Variants in GNA14 observed in about 807,000 individuals in gnomAD.
GNA14 encodes the protein guanine nucleotide-binding protein subunit alpha-14.
A neutral mutation model predicts 42.0 loss-of-function variants in GNA14; 50 were observed. The ratio of observed to expected loss-of-function variants is 1.19; its 90% CI spans 0.95 to 1.51. GNA14 has a LOEUF of 1.51. Ranked by LOEUF, GNA14 falls within the 40% of genes most tolerant of loss-of-function variation. The probability of loss-of-function intolerance (pLI) is 0.00; values close to 1 mark genes in which losing one functional copy is unlikely to be tolerated. For missense variants in GNA14, 473 were observed against 446.2 expected (o/e 1.06, Z -0.54); for synonymous variants, 173 against 163.1 (o/e 1.06, Z -0.46).
At position 77,563,841 on chromosome 9, in the gene GNA14, G is replaced by A. The variant is rs141216484; in HGVS notation, c.125-34588C>T. Reference sequence around the variant, plus strand: ...TCCCTGTTAGACAACTTCCTATGGAGCGCAATTTGGGGTCTTGAAGCATTA... The same window carrying A: ...TCCCTGTTAGACAACTTCCTATGGAACGCAATTTGGGGTCTTGAAGCATTA... On this transcript the variant is annotated intron_variant, in intron 1 of 6. Coordinates refer to ENST00000341700, the MANE Select transcript of GNA14 (RefSeq NM_004297.4). 4.8e-3 allele frequency among the ~76,000 whole-genome samples: 738 copies of A among 152,252 alleles called. 3 individuals are homozygous for A. Among genetic ancestry groups the A allele is most frequent in the African/African-American group, 0.017 (694 of 41,534 alleles).
intron 2 of GNA14, among the ~76,000 whole-genome samples, chr9:77,470,721 T>A (rs554770402): frequency 6.6e-6 from 1 of 152,182 alleles, no homozygotes; most frequent in East Asian, 1.9e-4. Context: ...AGAAAAGAGG[T>A]TGAATTGACT....
intron 1 of GNA14, among the ~76,000 whole-genome samples, chr9:77,556,962 A>G (rs1405953312): frequency 6.6e-6 from 1 of 152,212 alleles, no homozygotes; most frequent in African/African-American, 2.4e-5. Context: ...CAAACAGGAA[A>G]CACATTTATA....
At chr9:77,433,848 C>T (rs1211299127) in intron 3 of GNA14, among the ~76,000 whole-genome samples, 2 of 152,174 alleles carry the variant, frequency 1.3e-5, no homozygotes, top group African/African-American at 2.4e-5. Flanking sequence ...CGAGCGCAGC[C>T]TCCTATCTGT....
chr9:77,551,273 T>C (rs1837782269), intron 1 of GNA14, among the ~76,000 whole-genome samples: 1 of 152,172 alleles, frequency 6.6e-6, no homozygotes, highest in Non-Finnish European at 1.5e-5. Flanking sequence ...CCTCATCCTT[T>C]TTCAAATTTT....
In GNA14 at chr9:77,454,811, G is replaced by A. The variant is rs183391587; in HGVS notation, c.310-20289C>T. The stretch of plus-strand genomic sequence containing the variant: ...TCTAATGCGAACAGTCAGGGTCAAC[G>A]AAAAAAGTTGTTTTGCTTTTAATGT... On this transcript the variant is annotated intron_variant, in intron 2 of 6. Coordinates refer to ENST00000341700, the MANE Select transcript of GNA14 (RefSeq NM_004297.4). 6.2e-3 allele frequency among the ~76,000 whole-genome samples: 937 copies of A among 152,144 alleles called. 11 individuals carry two copies. Among genetic ancestry groups the A allele is most frequent in the African/African-American group, 0.022 (899 of 41,516 alleles).
intron 2 of GNA14, among the ~76,000 whole-genome samples, chr9:77,439,892 G>A (rs555932288): frequency 7.2e-4 from 109 of 152,258 alleles, no homozygotes; most frequent in African/African-American, 2.6e-3. Flanking sequence ...GACTTGGGTG[G>A]GGCATGTGCT....
rs1032391646 is a variant in GNA14 at position 77,559,427 on chromosome 9, G to A, written c.125-30174C>T. On this transcript the variant is annotated intron_variant, in intron 1 of 6. Transcript: ENST00000341700. ...AGACAAAGGACGGGGCATCCCTTCT[G>A]GGCCAGAGGACATAGGGAAGAAGGG... is the stretch of plus-strand genomic sequence containing the variant. 4.7e-4 allele frequency among the ~76,000 whole-genome samples: 72 copies of A among 152,160 alleles called. 3 individuals carry two copies. Among genetic ancestry groups the A allele is most frequent in the Non-Finnish European group, 5.9e-5 (4 of 68,022 alleles).
chr9:77,546,430 T>C (rs1336042573), intron 1 of GNA14, among the ~76,000 whole-genome samples: 1 of 152,092 alleles, frequency 6.6e-6, no homozygotes, highest in Non-Finnish European at 1.5e-5. Context: ...GAGGTCTTCA[T>C]TATGACATCT....
At chr9:77,453,713 T>C (rs968554576) in intron 2 of GNA14, among the ~76,000 whole-genome samples, 2 of 152,226 alleles carry the variant, frequency 1.3e-5, no homozygotes, top group East Asian at 3.9e-4. Context: ...TGAGAATTTA[T>C]GGAACTGAGC....
At chr9:77,483,832 G>T (rs1294876391) in intron 2 of GNA14, among the ~76,000 whole-genome samples, 1 of 152,176 alleles carries the variant, frequency 6.6e-6, no homozygotes, top group Non-Finnish European at 1.5e-5. Flanking sequence ...ATGAAGGTAT[G>T]ACATTCTTTG....
intron 1 of GNA14, among the ~76,000 whole-genome samples, chr9:77,558,473 G>A (rs1564053364): frequency 6.6e-6 from 1 of 152,078 alleles, no homozygotes; most frequent in African/African-American, 2.4e-5. Context: ...TTCAAAGTTT[G>A]AGTAGTAGTC....
chr9:77,514,389 T>C lies in GNA14; in HGVS notation c.309+14680A>G, dbSNP rs73458086. 5.5e-3 allele frequency among the ~76,000 whole-genome samples: 836 copies of C among 152,220 alleles called. 7 individuals are homozygous for C. Among genetic ancestry groups the C allele is most frequent in the African/African-American group, 0.019 (779 of 41,530 alleles). ...GTCTTCACACAGCGTCTTAATATCA[T>C]TGACTTCACGTTTATTGAGCCCGAA... On this transcript the variant is annotated intron_variant, in intron 2 of 6. Transcript: ENST00000341700.
chr9:77,609,281 G>C (rs1272799520), intron 1 of GNA14, among the ~76,000 whole-genome samples: 2 of 152,116 alleles, frequency 1.3e-5, no homozygotes, highest in Non-Finnish European at 2.9e-5. Flanking sequence ...CTAATAACCT[G>C]TTTCTCATTT....
At chr9:77,593,334 C>CTTTTT (rs59975831) in intron 1 of GNA14, among the ~76,000 whole-genome samples, 4 of 142,934 alleles carry the variant, frequency 2.8e-5, no homozygotes, top group African/African-American at 1.1e-4. Flanking sequence ...CCTAACATTC[C>CTTTTT]TTTTTTTTTT....
chr9:77,572,093 G>A (rs772875612), intron 1 of GNA14, among the ~76,000 whole-genome samples: 1 of 152,046 alleles, frequency 6.6e-6, no homozygotes, highest in Non-Finnish European at 1.5e-5. Flanking sequence ...TGAATAGAAA[G>A]GCCCATGAAA....
intron 1 of GNA14, among the ~76,000 whole-genome samples, chr9:77,593,499 G>A (rs1250704796): frequency 6.6e-6 from 1 of 152,138 alleles, no homozygotes; most frequent in Non-Finnish European, 1.5e-5. Flanking sequence ...TAGTAGAGAT[G>A]AGGTTTCATC....
chr9:77,545,331 T>C (rs1247160522), intron 1 of GNA14, among the ~76,000 whole-genome samples: 1 of 152,236 alleles, frequency 6.6e-6, no homozygotes, highest in Non-Finnish European at 1.5e-5. Context: ...TCCAATACTG[T>C]AGGTCTTTAA....
At chr9:77,606,142 A>G (rs1338087909) in intron 1 of GNA14, among the ~76,000 whole-genome samples, 1 of 152,230 alleles carries the variant, frequency 6.6e-6, no homozygotes, top group Admixed American at 6.5e-5. Flanking sequence ...CAGAAGGAAG[A>G]AAACTATTCT....
intron 2 of GNA14, among the ~76,000 whole-genome samples, chr9:77,485,875 C>T (rs1360903511): frequency 6.6e-6 from 1 of 152,136 alleles, no homozygotes; most frequent in Admixed American, 6.5e-5. Context: ...GGCTGTCATC[C>T]AGGCTTTGTT....
Sources: gnomAD v4.1 joint callset for allele counts (sites outside exome capture counted in the v4.1 genomes callset) on GRCh38, gnomAD v4.1.1 for gene constraint, MANE v1.5 for transcripts, NCBI Gene and HGNC (gene_info 2026-07-23, HGNC 2026-07-21) for gene names.